Variants in PTPRK observed in about 807,000 individuals in gnomAD.
PTPRK encodes protein tyrosine phosphatase receptor type K.
In PTPRK, 75 loss-of-function variants were observed where a neutral mutation model predicts 178.0. The ratio of observed to expected loss-of-function variants is 0.42; its 90% CI spans 0.35 to 0.51. PTPRK has a LOEUF of 0.51. Among genes scored for constraint, PTPRK ranks in the 20% least tolerant of loss-of-function variants. The probability of loss-of-function intolerance (pLI) is 0.02; values close to 1 mark genes in which losing one functional copy is unlikely to be tolerated. For synonymous variants in PTPRK, 637 were observed against 620.6 expected, an observed-to-expected ratio of 1.03 and a Z score of -0.39; for missense variants, 1,441 against 1,797.8, an observed-to-expected ratio of 0.80 and a Z score of 3.59.
At chr6:128,190,433 A>G (rs1175602408) in intron 6 of PTPRK, among the ~76,000 whole-genome samples, 2 of 148,620 alleles carry the variant, frequency 1.3e-5, no homozygotes, top group East Asian at 2.0e-4. Flanking sequence ...ATTGAGTTAA[A>G]TTTGTTTTAT....
rs538433764 is a variant in PTPRK, at chr6:128,001,987, G to A, written c.2495-3083C>T. On this transcript the variant is annotated intron_variant, in intron 15 of 29. Transcript: ENST00000368226. Reference sequence around the variant, plus strand: ...TGATCATGATTTATGGCTCCTCCCTGTGTGATAAGACCACTCCCTGGGGCA... The same window carrying A: ...TGATCATGATTTATGGCTCCTCCCTATGTGATAAGACCACTCCCTGGGGCA... Among the ~76,000 whole-genome samples the A allele has an allele frequency of 3.3e-5, 5 of 151,956 alleles. No homozygotes were observed. In the South Asian group the frequency reaches 1.0e-3, roughly 32 times the overall value.
At chr6:128,508,597 T>A (rs1055974050) in intron 1 of PTPRK, among the ~76,000 whole-genome samples, 1 of 152,170 alleles carries the variant, frequency 6.6e-6, no homozygotes, top group Non-Finnish European at 1.5e-5. Flanking sequence ...ACCCACAGTT[T>A]CACTTTCTGT....
At chr6:128,191,553 CTA>C (rs1394304516) in intron 6 of PTPRK, among the ~76,000 whole-genome samples, 1 of 151,644 alleles carries the variant, frequency 6.6e-6, no homozygotes, top group Non-Finnish European at 1.5e-5. Context: ...TTCAACATTT[CTA>C]TGAGAGTAGA....
At chr6:128,415,729 T>A (rs1842775417) in intron 1 of PTPRK, among the ~76,000 whole-genome samples, 1 of 152,170 alleles carries the variant, frequency 6.6e-6, no homozygotes, top group African/African-American at 2.4e-5. Flanking sequence ...ACAATAATAT[T>A]AAATCCCTCT....
intron 2 of PTPRK, among the ~76,000 whole-genome samples, chr6:128,369,160 ACCAC>A: frequency 6.6e-6 from 1 of 152,206 alleles, no homozygotes; most frequent in East Asian, 1.9e-4. Flanking sequence ...TTACTGTCCC[ACCAC>A]TCTTTCCTTG....
chr6:128,398,133 G>C (rs1014826263), intron 1 of PTPRK, among the ~76,000 whole-genome samples: 1 of 152,112 alleles, frequency 6.6e-6, no homozygotes, highest in Non-Finnish European at 1.5e-5. Flanking sequence ...CCACACTGTG[G>C]GAGTGCGCGA....
chr6:128,043,796 A>G (rs1202823033), intron 13 of PTPRK, among the ~76,000 whole-genome samples: 2 of 74,208 alleles, frequency 2.7e-5, no homozygotes, highest in Admixed American at 4.1e-4. Flanking sequence ...TAAAAGAATT[A>G]GAAGAAAACT....
chr6:128,295,233 C>T (rs1824106404), intron 3 of PTPRK, among the ~76,000 whole-genome samples: 1 of 152,038 alleles, frequency 6.6e-6, no homozygotes, highest in Non-Finnish European at 1.5e-5. Flanking sequence ...CTCTTTTCTA[C>T]CCTTCCAACC....
At chr6:128,361,812 GACT>G (rs767595158) in intron 2 of PTPRK, among the ~76,000 whole-genome samples, 247 of 152,170 alleles carry the variant, frequency 1.6e-3, no homozygotes, top group Non-Finnish European at 2.7e-3. Context: ...TGTGGCAAAT[GACT>G]ACATTTAAAT....
chr6:128,231,623 A>T (rs1279174127), intron 5 of PTPRK, among the ~76,000 whole-genome samples: 2 of 152,304 alleles, frequency 1.3e-5, no homozygotes, highest in East Asian at 3.9e-4. Flanking sequence ...CAAGCTTCAA[A>T]TTGTCTTGGT....
At chr6:128,436,608 T>A (rs965440212) in intron 1 of PTPRK, among the ~76,000 whole-genome samples, 6 of 152,120 alleles carry the variant, frequency 3.9e-5, no homozygotes, top group South Asian at 2.1e-4. Flanking sequence ...ATTTTTTTTT[T>A]TATAAAATGA....
chr6:128,049,349 C>G (rs1366966994), intron 13 of PTPRK, among the ~76,000 whole-genome samples: 6 of 152,114 alleles, frequency 3.9e-5, no homozygotes, highest in African/African-American at 1.4e-4. Context: ...ACAATACTTG[C>G]AATTTCCCAT....
chr6:128,417,828 T>C (rs1427277211), intron 1 of PTPRK, among the ~76,000 whole-genome samples: 1 of 152,176 alleles, frequency 6.6e-6, no homozygotes, highest in Non-Finnish European at 1.5e-5. Flanking sequence ...TTACGTGGTA[T>C]GAGAAGAAAA....
In PTPRK at chr6:128,324,409, G is replaced by T. The variant is rs552326441; in HGVS notation, c.224-2099C>A. The stretch of plus-strand genomic sequence containing the variant: ...AATATTTACTATAAAGACCATTTAG[G>T]AATTTTCAGTCAGTTGTACCCTTAA... On this transcript the variant is annotated intron_variant, in intron 2 of 29. Coordinates refer to ENST00000368226, the MANE Select transcript of PTPRK (RefSeq NM_002844.4). Among the ~76,000 whole-genome samples, 5 of 152,000 alleles carry T rather than the reference G, an allele frequency of 3.3e-5. No individual in the cohort carries two copies. The South Asian group carries it at 1.0e-3, about 32-fold the overall frequency.
chr6:128,377,948 A>G (rs1837335709), intron 2 of PTPRK, among the ~76,000 whole-genome samples: 1 of 151,846 alleles, frequency 6.6e-6, no homozygotes, highest in Non-Finnish European at 1.5e-5. Context: ...CTGTTGAAAA[A>G]GAGCACATGT....
intron 13 of PTPRK, among the ~76,000 whole-genome samples, chr6:128,027,549 T>A (rs1052680552): frequency 6.6e-6 from 1 of 152,112 alleles, no homozygotes; most frequent in Non-Finnish European, 1.5e-5. Context: ...CAAACTCTTT[T>A]AATATATTAT....
chr6:128,048,985 A>C (rs559493257), intron 13 of PTPRK, among the ~76,000 whole-genome samples: 4 of 152,330 alleles, frequency 2.6e-5, no homozygotes, highest in Non-Finnish European at 5.9e-5. Flanking sequence ...CTATGGACAT[A>C]AAATAAATAT....
intron 1 of PTPRK, among the ~76,000 whole-genome samples, chr6:128,484,846 G>GTTTCC (rs1562616325): frequency 6.6e-6 from 1 of 152,060 alleles, no homozygotes; most frequent in African/African-American, 2.4e-5. Context: ...AAACTCAATA[G>GTTTCC]TTTCCTTTCC....
At chr6:128,288,285 C>T (rs1009475611) in intron 3 of PTPRK, among the ~76,000 whole-genome samples, 1 of 152,126 alleles carries the variant, frequency 6.6e-6, no homozygotes. Flanking sequence ...GCTTTCAGCA[C>T]ATTAAATACT....
Sources: gnomAD v4.1 joint callset for allele counts (sites outside exome capture counted in the v4.1 genomes callset) on GRCh38, gnomAD v4.1.1 for gene constraint, MANE v1.5 for transcripts, NCBI Gene and HGNC (gene_info 2026-07-23, HGNC 2026-07-21) for gene names.